The following CELF2 variants were observed in gnomAD, a reference collection of about 807,000 sequenced individuals.
The protein encoded by CELF2 is CUGBP Elav-like family member 2.
In CELF2, 8 loss-of-function variants were observed where a neutral mutation model predicts 62.6. That is an observed-to-expected ratio of 0.13 (90% CI 0.07 to 0.23). The LOEUF (loss-of-function observed/expected upper bound fraction) is 0.23. CELF2 is among the 10% of genes least tolerant of loss of function. The pLI is 1.00. For synonymous variants in CELF2, 258 were observed against 250.0 expected (o/e 1.03, Z -0.30); for missense variants, 333 against 671.0 (o/e 0.50, Z 5.56).
intron 1 of CELF2, among the ~76,000 whole-genome samples, chr10:11,119,270 A>C (rs982607186): frequency 2.2e-4 from 33 of 152,190 alleles, no homozygotes; most frequent in Non-Finnish European, 4.3e-4. Context: ...CAATAAATTC[A>C]GTTGTTGAAA....
At chr10:10,651,011 C>G in the CELF2 span, among the ~76,000 whole-genome samples, 1 of 143,664 alleles carries the variant, frequency 7.0e-6, no homozygotes, top group Non-Finnish European at 1.5e-5. Context: ...CCAGTGGGTG[C>G]GCGCACCGTG....
intron 1 of CELF2, among the ~76,000 whole-genome samples, chr10:10,888,553 C>T (rs1332730304): frequency 6.6e-6 from 1 of 152,064 alleles, no homozygotes. Flanking sequence ...TTGTGGGTAA[C>T]GAAAAAACCA....
rs1460013144 is a variant in CELF2, at chr10:11,237,481, A to C, written c.355-11672A>C. Among the ~76,000 whole-genome samples the C allele has an allele frequency of 6.6e-6, 1 of 152,172 alleles. No homozygotes were observed. The highest frequency in any genetic ancestry group is 1.5e-5 in the Non-Finnish European group (1 of 68,022). ...AGCAGTGTAAGAGATCAGGGTGGAC[A>C]GAGTCGAGCCCTGCAAAGAGGCTCA... On this transcript the variant is annotated intron_variant, in intron 3 of 12. Coordinates refer to ENST00000633077, the MANE Select transcript of CELF2 (RefSeq NM_001326342.2). This position sits in a 1 kb window ranked among gnomAD's most constrained non-coding sequence, Gnocchi z 4.0.
At chr10:11,131,829 G>C (rs2059672400) in intron 1 of CELF2, among the ~76,000 whole-genome samples, 1 of 152,226 alleles carries the variant, frequency 6.6e-6, no homozygotes, top group Admixed American at 6.5e-5. Context: ...GGTTGACCCA[G>C]GGGTCTAGTA....
chr10:10,641,651 G>A, the CELF2 span, among the ~76,000 whole-genome samples: 2 of 152,178 alleles, frequency 1.3e-5, no homozygotes, highest in South Asian at 4.1e-4. Flanking sequence ...GTTTCACCAT[G>A]TTGGCCAGGC....
chr10:10,748,630 C>T, the CELF2 span, among the ~76,000 whole-genome samples: 1 of 151,506 alleles, frequency 6.6e-6, no homozygotes, highest in African/African-American at 2.4e-5. Context: ...CACCTGTAGT[C>T]CCAGCTGCTC....
chr10:10,508,048 T>G, the CELF2 span, among the ~76,000 whole-genome samples: 1 of 152,064 alleles, frequency 6.6e-6, no homozygotes, highest in Admixed American at 6.6e-5. Flanking sequence ...AAAGAGCCTT[T>G]GCAAAAAATA....
chr10:11,149,240 T>C (rs1375920958), intron 1 of CELF2, among the ~76,000 whole-genome samples: 1 of 152,148 alleles, frequency 6.6e-6, no homozygotes, highest in Non-Finnish European at 1.5e-5. Context: ...CCAGCTAATT[T>C]TTGTATTTTT....
upstream of CELF2, among the ~76,000 whole-genome samples, chr10:11,015,680 A>C (rs1236106102): frequency 1.3e-5 from 2 of 152,244 alleles, no homozygotes; most frequent in Non-Finnish European, 2.9e-5. This position sits in a 1 kb window ranked among gnomAD's most constrained non-coding sequence, Gnocchi z 4.8. Flanking sequence ...TAACCTATGC[A>C]CTTGGAATCC....
Position 11,328,389 on chromosome 10 carries a change from C to T in CELF2, c.1439-537C>T, listed in dbSNP as rs114975127. Among the ~76,000 whole-genome samples, 1,836 of 152,148 alleles carry T rather than the reference C, an allele frequency of 0.012. 33 individuals carry two copies. The highest frequency in any genetic ancestry group is 0.042 in the African/African-American group (1,722 of 41,494). On this transcript the variant is annotated intron_variant, in intron 12 of 12. Coordinates refer to ENST00000633077, the MANE Select transcript of CELF2 (RefSeq NM_001326342.2). The surrounding 1 kb of genome is among the most constrained non-coding windows in gnomAD (Gnocchi z 6.4). ...TCCTCCAGCTAAACAGGTGTAGGCT[C>T]TGTGTGACAGACGATGGAGAGCTCG...
At chr10:10,651,016 A>G in the CELF2 span, among the ~76,000 whole-genome samples, 2 of 151,814 alleles carry the variant, frequency 1.3e-5, no homozygotes, top group African/African-American at 4.8e-5. Context: ...GGGTGCGCGC[A>G]CCGTGCGCGA....
chr10:10,715,191 A>C, the CELF2 span, among the ~76,000 whole-genome samples: 1 of 152,208 alleles, frequency 6.6e-6, no homozygotes, highest in East Asian at 1.9e-4. Flanking sequence ...CAAAACCGTG[A>C]TATAAAATAA....
the CELF2 span, among the ~76,000 whole-genome samples, chr10:10,590,992 C>T: frequency 2.0e-4 from 30 of 152,282 alleles, no homozygotes; most frequent in Non-Finnish European, 4.0e-4. Flanking sequence ...ATAAAGTAGA[C>T]CTTCTCACTT....
chr10:10,509,953 C>T, the CELF2 span, among the ~76,000 whole-genome samples: 1 of 152,200 alleles, frequency 6.6e-6, no homozygotes, highest in African/African-American at 2.4e-5. Context: ...TGCCAATGAA[C>T]TTGAATTGTG....
chr10:11,322,641 T>TG (rs1389933633), intron 11 of CELF2, among the ~76,000 whole-genome samples: 4 of 151,082 alleles, frequency 2.6e-5, no homozygotes, highest in African/African-American at 9.8e-5. Context: ...ACTCATGGTT[T>TG]TTTTTTTTTT....
chr10:10,573,116 T>G, the CELF2 span, among the ~76,000 whole-genome samples: 1 of 152,220 alleles, frequency 6.6e-6, no homozygotes. Flanking sequence ...GTTGTTGAGC[T>G]TTTTATAATG....
chr10:10,622,887 A>C, the CELF2 span, among the ~76,000 whole-genome samples: 4 of 151,102 alleles, frequency 2.6e-5, no homozygotes, highest in Admixed American at 2.6e-4. Context: ...AGGTCAGGAG[A>C]TCAAGACCAC....
At position 11,223,832 on chromosome 10, in the gene CELF2, C is replaced by G. The variant is rs1244839477; in HGVS notation, c.354+6325C>G. On this transcript the variant is annotated intron_variant, in intron 3 of 12. Transcript: ENST00000633077. The surrounding 1 kb of genome is among the most constrained non-coding windows in gnomAD (Gnocchi z 5.1). ...AGGAAATCCTGGGCCCAGTGAGTTC[C>G]ATTCTGCAGGCCCAGGCCCCAGGGC... 6.6e-6 allele frequency among the ~76,000 whole-genome samples: 1 copy of G among 152,164 alleles called. No individual in the cohort carries two copies. Among genetic ancestry groups the G allele is most frequent in the African/African-American group, 2.4e-5 (1 of 41,436 alleles).
chr10:10,543,079 A>C, the CELF2 span, among the ~76,000 whole-genome samples: 1 of 152,136 alleles, frequency 6.6e-6, no homozygotes, highest in Admixed American at 6.5e-5. Flanking sequence ...GGGTTCCAGC[A>C]GGTTTCTGAA....
Sources: allele counts gnomAD v4.1 joint callset (sites outside exome capture counted in the v4.1 genomes callset), GRCh38; gene constraint gnomAD v4.1.1; non-coding constraint Gnocchi (gnomAD v3.1); transcripts MANE v1.5; gene names NCBI Gene and HGNC (gene_info 2026-07-23, HGNC 2026-07-21).